The following ACTG2 variants were observed in gnomAD, a reference collection of about 807,000 sequenced individuals.
ACTG2 encodes actin gamma 2, smooth muscle.
A neutral mutation model predicts 37.6 loss-of-function variants in ACTG2; 16 were observed. The observed-to-expected ratio is 0.43, with a 90% CI of 0.29 to 0.65. The LOEUF (loss-of-function observed/expected upper bound fraction) is 0.65, where lower values mean the gene tolerates loss of function less well. Among genes scored for constraint, ACTG2 ranks in the 30% least tolerant of loss-of-function variants. The pLI, the probability that ACTG2 is intolerant of heterozygous loss-of-function variation, is 0.18. For synonymous variants in ACTG2, 181 were observed against 179.9 expected (o/e 1.01, Z -0.05); for missense variants, 238 against 490.9 (o/e 0.48, Z 4.87).
chr2:73,895,684 T>C (rs1379789349), intron 1 of ACTG2, among the ~76,000 whole-genome samples: 1 of 152,230 alleles, frequency 6.6e-6, no homozygotes, highest in Non-Finnish European at 1.5e-5. Flanking sequence ...CAACTTTCAA[T>C]AGTCATTGAT....
At chr2:73,916,803 T>C (rs1373186881) in intron 8 of ACTG2, 38 bp downstream of exon 8, 1 of 1,595,550 alleles carries the variant, frequency 6.3e-7, no homozygotes, top group Non-Finnish European at 8.5e-7. Context: ...CTGTTCTTTG[T>C]ATAAAGTCTT....
At chr2:73,906,424 C>A (rs1680016785) in intron 3 of ACTG2, among the ~76,000 whole-genome samples, 1 of 151,792 alleles carries the variant, frequency 6.6e-6, no homozygotes, top group Non-Finnish European at 1.5e-5. Context: ...GTACTCCAGC[C>A]TGGGCGACAG....
At position 73,914,671 on chromosome 2, in the gene ACTG2, T is replaced by G. The variant is rs765796117; in HGVS notation, c.614-9T>G. 4.5e-6 allele frequency: 7 copies of G among 1,552,424 alleles called. No homozygotes were observed. The South Asian group carries it at 7.4e-5, about 16-fold the overall frequency. ...AGTATTCACCTTCTGTCATTTCTGC[T>G]CCTTCCAGCTGAGAGAGAAATTGTG... On this transcript the variant is annotated splice_polypyrimidine_tract_variant and intron_variant, in intron 6 of 8. Transcript: ENST00000345517.
intron 3 of ACTG2, among the ~76,000 whole-genome samples, chr2:73,904,306 A>G (rs1679958877): frequency 6.6e-6 from 1 of 151,886 alleles, no homozygotes; most frequent in Non-Finnish European, 1.5e-5. Flanking sequence ...TAATAGACAA[A>G]TAATAGACAA....
intron 7 of ACTG2, 55 bp downstream of exon 7, chr2:73,914,926 G>A (rs1045976638): frequency 5.4e-5 from 77 of 1,423,872 alleles, no homozygotes; most frequent in South Asian, 1.3e-4. Context: ...TGGAGGAGTG[G>A]GTGAGGTATG....
rs976152805 is a variant in ACTG2, at chr2:73,919,764, A to G, written c.*189A>G. ...ATAGTGCTGTAAGGTAGGTGCTATC[A>G]TTATACCCATATTACAGATGAGGAA... On this transcript the variant is annotated 3_prime_UTR_variant, in exon 9 of 9. Transcript: ENST00000345517. 1.9e-6 allele frequency: 1 copy of G among 521,766 alleles called. No homozygotes were observed. Among genetic ancestry groups the G allele is most frequent in the South Asian group, 4.3e-5 (1 of 23,452 alleles). The allele number at this position is 521,766 out of a possible 1,614,324, so 32.3% of individuals were successfully genotyped here.
intron 1 of ACTG2, among the ~76,000 whole-genome samples, chr2:73,896,057 G>A (rs1011967994): frequency 2.0e-5 from 3 of 152,144 alleles, no homozygotes; most frequent in Admixed American, 6.5e-5. Context: ...ATGTAGGGCC[G>A]GGTGCAGTGC....
At chr2:73,894,242 A>G (rs1038493536) in intron 1 of ACTG2, among the ~76,000 whole-genome samples, 2 of 152,158 alleles carry the variant, frequency 1.3e-5, no homozygotes, top group African/African-American at 4.8e-5. Context: ...GCGACACTGA[A>G]GCTGCTGGTC....
intron 3 of ACTG2, among the ~76,000 whole-genome samples, chr2:73,904,773 GTGTGTATATA>G (rs1381594286): frequency 3.0e-4 from 6 of 20,100 alleles, no homozygotes; most frequent in African/African-American, 6.1e-4. Context: ...GTGTGTGTGT[GTGTGTATATA>G]TATATATATA....
Position 73,902,339 on chromosome 2 carries a change from TTTC to T in ACTG2, c.127-15_127-13del. 6.2e-7 allele frequency: 1 copy of T among 1,612,794 alleles called. No homozygotes were observed. Among genetic ancestry groups the T allele is most frequent in the Non-Finnish European group, 8.5e-7 (1 of 1,179,460 alleles). On this transcript the variant is annotated intron_variant, in intron 2 of 8. Coordinates refer to ENST00000345517, the MANE Select transcript of ACTG2 (RefSeq NM_001615.4). ...GGAGCCCTCAGCCATTCATTTCTCT[TTTC>T]TTCTTTTTGCATTGCAGGGTGTGAT...
At chr2:73,912,829 T>C (rs1159503301) in intron 5 of ACTG2, among the ~76,000 whole-genome samples, 1 of 152,156 alleles carries the variant, frequency 6.6e-6, no homozygotes, top group East Asian at 1.9e-4. Flanking sequence ...AAAATGGTGG[T>C]GATATTGTAA....
At chr2:73,910,813 C>T (rs987116849) in intron 5 of ACTG2, among the ~76,000 whole-genome samples, 2 of 152,122 alleles carry the variant, frequency 1.3e-5, no homozygotes, top group African/African-American at 4.8e-5. Context: ...ATCTGCCCAC[C>T]TCAGCCTCCC....
intron 8 of ACTG2, among the ~76,000 whole-genome samples, chr2:73,917,242 G>A (rs1680289500): frequency 6.6e-6 from 1 of 152,136 alleles, no homozygotes; most frequent in South Asian, 2.1e-4. Flanking sequence ...GAAATCAGGA[G>A]ATGGGAAATA....
intron 3 of ACTG2, chr2:73,902,705 T>C: frequency 6.4e-7 from 1 of 1,551,538 alleles, no homozygotes; most frequent in African/African-American, 1.4e-5. Context: ...TTTCTTGGTC[T>C]CTTGCCCTCA....
At chr2:73,918,863 C>T (rs931070628) in intron 8 of ACTG2, among the ~76,000 whole-genome samples, 1 of 152,206 alleles carries the variant, frequency 6.6e-6, no homozygotes, top group Non-Finnish European at 1.5e-5. Context: ...CAAGGTTCCC[C>T]TTATAGATAT....
At chr2:73,905,707 ACAGAAAT>A (rs1680002290) in intron 3 of ACTG2, among the ~76,000 whole-genome samples, 1 of 152,206 alleles carries the variant, frequency 6.6e-6, no homozygotes, top group African/African-American at 2.4e-5. Flanking sequence ...TTTGTTAATA[ACAGAAAT>A]CAGAAAGTCT....
intron 5 of ACTG2, among the ~76,000 whole-genome samples, chr2:73,912,465 C>T (rs1191551036): frequency 1.3e-5 from 2 of 152,180 alleles, no homozygotes; most frequent in African/African-American, 4.8e-5. Flanking sequence ...CCTTGCACTT[C>T]GTTGCAAACA....
At chr2:73,895,929 G>C (rs1295879095) in intron 1 of ACTG2, among the ~76,000 whole-genome samples, 1 of 152,236 alleles carries the variant, frequency 6.6e-6, no homozygotes, top group African/African-American at 2.4e-5. Context: ...ATATGTAAGT[G>C]AATGGATGTG....
intron 1 of ACTG2, chr2:73,896,997 G>C (rs1021931143): frequency 6.6e-6 from 1 of 152,282 alleles, no homozygotes; most frequent in Admixed American, 6.5e-5. Flanking sequence ...TCTGGCTCCA[G>C]GGTGAACCCC....
Sources: allele counts gnomAD v4.1 joint callset (sites outside exome capture counted in the v4.1 genomes callset), GRCh38; gene constraint gnomAD v4.1.1; transcripts MANE v1.5; gene names NCBI Gene and HGNC (gene_info 2026-07-23, HGNC 2026-07-21).